Variants in RNF185 observed in about 807,000 individuals in gnomAD.
RNF185 encodes the protein ring finger protein 185.
In RNF185, 13 loss-of-function variants were observed where a neutral mutation model predicts 24.9. That is an observed-to-expected ratio of 0.52 (90% confidence interval 0.34 to 0.83). RNF185 has a LOEUF of 0.83. Ranked by LOEUF, RNF185 falls within the 40% of genes least tolerant of loss-of-function variation. The probability of loss-of-function intolerance (pLI) is 0.01; values close to 1 mark genes in which losing one functional copy is unlikely to be tolerated. For missense variants in RNF185, 184 were observed against 244.7 expected (o/e 0.75, Z 1.65); for synonymous variants, 79 against 90.3 (o/e 0.88, Z 0.71).
In RNF185 at chr22:31,160,231, T is replaced by C. The variant is rs1923476916; in HGVS notation, c.-121T>C. 1 of 151,670 alleles carries C rather than the reference T, an allele frequency of 6.6e-6. No homozygotes were observed. The highest frequency in any genetic ancestry group is 2.1e-4 in the South Asian group (1 of 4,764). The allele number at this position is 151,670 out of a possible 1,614,324, so 9.4% of individuals were successfully genotyped here. A position where few individuals can be genotyped will look rare whatever the true frequency, so the allele number is the denominator to read the frequency against. ...GGGTCGGAGGTCTTACCCAACAGAT[T>C]GACGCGGCGTTAGTATTGGCCGTGT... On this transcript the variant is annotated 5_prime_UTR_variant, in exon 1 of 7. Coordinates refer to ENST00000326132, the MANE Select transcript of RNF185 (RefSeq NM_152267.4).
intron 4 of RNF185, 70 bp downstream of exon 4, chr22:31,195,651 C>A: frequency 2.1e-6 from 2 of 933,432 alleles, no homozygotes; most frequent in East Asian, 2.6e-5. Flanking sequence ...TTCAGCATCC[C>A]CTAACCCCAC....
chr22:31,189,233 T>C (rs1436269092), intron 2 of RNF185, among the ~76,000 whole-genome samples: 1 of 147,444 alleles, frequency 6.8e-6, no homozygotes, highest in Non-Finnish European at 1.5e-5. Flanking sequence ...ATGTATTTTA[T>C]GTATATATTA....
intron 1 of RNF185, among the ~76,000 whole-genome samples, chr22:31,178,559 GA>G (rs945665528): frequency 1.3e-5 from 2 of 152,146 alleles, no homozygotes; most frequent in African/African-American, 4.8e-5. Flanking sequence ...CTTTGTTTAA[GA>G]AAAACAGGCA....
intron 1 of RNF185, among the ~76,000 whole-genome samples, chr22:31,166,619 C>T (rs866968769): frequency 2.7e-5 from 4 of 150,200 alleles, no homozygotes; most frequent in African/African-American, 9.9e-5. Flanking sequence ...TCCTCCTCCT[C>T]CTCCTTCTTC....
intron 5 of RNF185, among the ~76,000 whole-genome samples, chr22:31,200,800 AC>A (rs1171788796): frequency 6.6e-6 from 1 of 152,228 alleles, no homozygotes; most frequent in Non-Finnish European, 1.5e-5. Context: ...AGTATATATT[AC>A]TTTTATAACC....
intron 1 of RNF185, among the ~76,000 whole-genome samples, chr22:31,163,093 TAAAAG>T (rs1047137426): frequency 1.3e-5 from 2 of 152,058 alleles, no homozygotes; most frequent in Non-Finnish European, 2.9e-5. Flanking sequence ...TGATGGGAAA[TAAAAG>T]AAGAATAATA....
chr22:31,190,186 A>G (rs1038283480), intron 2 of RNF185, among the ~76,000 whole-genome samples: 58 of 152,362 alleles, frequency 3.8e-4, no homozygotes, highest in African/African-American at 1.3e-3. Flanking sequence ...GCGGTTCCAT[A>G]AGATGATGAT....
chr22:31,191,205 T>C (rs8143002), intron 2 of RNF185, among the ~76,000 whole-genome samples: 58,548 of 152,188 alleles, frequency 0.38, 13,030 homozygotes, highest in Middle Eastern at 0.56. Flanking sequence ...TGAGGGTCAT[T>C]CATTCACCTC....
At chr22:31,167,119 AT>A (rs202056911) in intron 1 of RNF185, among the ~76,000 whole-genome samples, 2 of 152,026 alleles carry the variant, frequency 1.3e-5, no homozygotes, top group African/African-American at 4.8e-5. Context: ...TTTTCTTAAA[AT>A]TTTTTTTATT....
intron 1 of RNF185, among the ~76,000 whole-genome samples, chr22:31,162,563 C>T (rs5749224): frequency 0.79 from 120,005 of 151,620 alleles, 48,435 homozygotes; most frequent in African/African-American, 0.95. Context: ...GGAAATGTGC[C>T]TTATAAGCCA....
rs560758146 is a variant in RNF185, at chr22:31,161,330, C to T, written c.-49+1027C>T. 2.0e-5 allele frequency among the ~76,000 whole-genome samples: 3 copies of T among 152,324 alleles called. No homozygotes were observed. In the South Asian group the frequency reaches 6.2e-4, roughly 32 times the overall value. ...AAGTCTGTGATTCCAAGGAGTTGTT[C>T]TGCATCTTTCTGGTGCTGACTCTGC... On this transcript the variant is annotated intron_variant, in intron 1 of 6. Coordinates refer to ENST00000326132, the MANE Select transcript of RNF185 (RefSeq NM_152267.4).
rs1602830351 is a variant in RNF185 at position 31,187,068 on chromosome 22, C to T, written c.-27C>T. On this transcript the variant is annotated 5_prime_UTR_variant, in exon 2 of 7. Coordinates refer to ENST00000326132, the MANE Select transcript of RNF185 (RefSeq NM_152267.4). ...TTAGGATTTCCCTGGGGAAAGTCTT[C>T]ACTCAGAGCTTCGCTGACAGCCAAG... 5 of 1,588,454 alleles carry T rather than the reference C, an allele frequency of 3.1e-6. No individual in the cohort carries two copies. In the East Asian group the frequency reaches 1.1e-4, roughly 36 times the overall value.
chr22:31,182,318 C>T (rs1255629492), intron 1 of RNF185, among the ~76,000 whole-genome samples: 2 of 151,616 alleles, frequency 1.3e-5, no homozygotes, highest in Non-Finnish European at 2.9e-5. Context: ...GAGACAGAGT[C>T]ACTATGTCAC....
intron 1 of RNF185, among the ~76,000 whole-genome samples, chr22:31,163,696 C>T (rs947101164): frequency 2.7e-5 from 2 of 74,086 alleles, no homozygotes; most frequent in Non-Finnish European, 6.3e-5. Context: ...TTATTTGAAA[C>T]GGAGTCTCAC....
At chr22:31,184,350 A>G (rs1430143255) in intron 1 of RNF185, among the ~76,000 whole-genome samples, 1 of 150,834 alleles carries the variant, frequency 6.6e-6, no homozygotes, top group Non-Finnish European at 1.5e-5. Flanking sequence ...CCCACATCCC[A>G]GAGGATGGGC....
At chr22:31,174,410 CCTT>C (rs1176225611) in intron 1 of RNF185, among the ~76,000 whole-genome samples, 1 of 152,130 alleles carries the variant, frequency 6.6e-6, no homozygotes, top group Non-Finnish European at 1.5e-5. Flanking sequence ...AACAGAGTCT[CCTT>C]CTGTCTCCTA....
chr22:31,185,010 A>G (rs1321394007), intron 1 of RNF185, among the ~76,000 whole-genome samples: 1 of 151,104 alleles, frequency 6.6e-6, no homozygotes, highest in Non-Finnish European at 1.5e-5. Flanking sequence ...AGAAACACAC[A>G]TAGGTTGGGT....
chr22:31,172,125 G>A (rs1329603869), intron 1 of RNF185, among the ~76,000 whole-genome samples: 1 of 152,088 alleles, frequency 6.6e-6, no homozygotes, highest in East Asian at 1.9e-4. Flanking sequence ...CTCAACCTCA[G>A]GTAAAATATG....
chr22:31,195,903 C>T (rs1297316557), intron 4 of RNF185, among the ~76,000 whole-genome samples: 1 of 152,162 alleles, frequency 6.6e-6, no homozygotes, highest in East Asian at 1.9e-4. Flanking sequence ...ATGTATAAAG[C>T]ATGGCGGGAG....
Sources: allele counts gnomAD v4.1 joint callset (sites outside exome capture counted in the v4.1 genomes callset), GRCh38; gene constraint gnomAD v4.1.1; transcripts MANE v1.5; gene names NCBI Gene and HGNC (gene_info 2026-07-23, HGNC 2026-07-21).